The following DUSP29 variants were observed in gnomAD, a reference collection of about 807,000 sequenced individuals.
DUSP29 encodes dual specificity phosphatase 29, also known as atypical dual-specific protein phosphatase.
In DUSP29, 12 loss-of-function variants were observed where a neutral mutation model predicts 13.5. That is an observed-to-expected ratio of 0.89 (90% CI 0.57 to 1.44). The LOEUF is 1.44. Among genes scored for constraint, DUSP29 ranks in the 40% most tolerant of loss-of-function variants. The probability of loss-of-function intolerance (pLI) is 0.00; values close to 1 mark genes in which losing one functional copy is unlikely to be tolerated. For synonymous variants in DUSP29, 134 were observed against 128.7 expected, an observed-to-expected ratio of 1.04 and a Z score of -0.28; for missense variants, 308 against 301.1, an observed-to-expected ratio of 1.02 and a Z score of -0.17.
intron 1 of DUSP29, among the ~76,000 whole-genome samples, chr10:75,060,162 A>AAAT (rs764020329): frequency 2.0e-5 from 3 of 151,608 alleles, no homozygotes; most frequent in East Asian, 1.9e-4. Context: ...CTCCATCTCA[A>AAAT]AATAATAATA....
chr10:75,040,190 AAAAACC>A (rs1025266008), intron 3 of DUSP29, among the ~76,000 whole-genome samples: 3 of 152,178 alleles, frequency 2.0e-5, no homozygotes, highest in Non-Finnish European at 4.4e-5. Context: ...AAACAAAAAC[AAAAACC>A]AAACAGTGAA....
chr10:75,067,291 G>C (rs1385309887), intron 1 of DUSP29, among the ~76,000 whole-genome samples: 1 of 152,122 alleles, frequency 6.6e-6, no homozygotes, highest in African/African-American at 2.4e-5. Context: ...AAACCAAACA[G>C]GTATAGGGCC....
At position 75,058,497 on chromosome 10, in the gene DUSP29, C is replaced by T; in HGVS notation, c.18G>A (p.Val6=). 2 of 1,614,222 alleles carry T rather than the reference C, an allele frequency of 1.2e-6. No individual in the cohort carries two copies. Among genetic ancestry groups the T allele is most frequent in the Non-Finnish European group, 1.7e-6 (2 of 1,180,044 alleles). The change falls in exon 2 of 4, where the codon GTG becomes GTA. Residue 6 remains valine (V), a synonymous_variant. Transcript: ENST00000338487. MTSGE[V]KTSLKNAYSS... ...AGTAGGCATTCTTGAGGCTTGTCTT[C>T]ACTTCTCCAGATGTCATTTTAGAGC...
chr10:75,069,607 T>A (rs1432382428), intron 1 of DUSP29, among the ~76,000 whole-genome samples: 5 of 152,254 alleles, frequency 3.3e-5, no homozygotes, highest in Admixed American at 3.3e-4. Flanking sequence ...CTCTGGGCCT[T>A]GGGAAGGCGA....
rs55692734 is a variant in DUSP29 at position 75,065,690 on chromosome 10, AT to A, written c.-34-7143del. Reference sequence around the variant, plus strand: ...GCTTAACAGAAAGCACAATTTAAGGATTTTTTTTTTTTTCCGTAGAGACAGG... The same window carrying A: ...GCTTAACAGAAAGCACAATTTAAGGATTTTTTTTTTTTCCGTAGAGACAGG... On this transcript the variant is annotated intron_variant, in intron 1 of 3. Transcript: ENST00000338487. Among the ~76,000 whole-genome samples, 297 of 143,834 alleles carry A rather than the reference AT, an allele frequency of 2.1e-3. 1 individual carries two copies. The highest frequency in any genetic ancestry group is 3.6e-3 in the Middle Eastern group (1 of 280). The allele number at this position is 143,834 out of a possible 152,430, so 94.4% of individuals were successfully genotyped here.
intron 2 of DUSP29, among the ~76,000 whole-genome samples, chr10:75,055,119 G>A (rs188836756): frequency 6.6e-6 from 1 of 152,248 alleles, no homozygotes; most frequent in Admixed American, 6.5e-5. Context: ...CAGGGTTACA[G>A]GGGTGAGCCA....
intron 1 of DUSP29, among the ~76,000 whole-genome samples, chr10:75,066,642 A>C (rs1645093443): frequency 6.6e-6 from 1 of 152,350 alleles, no homozygotes; most frequent in East Asian, 1.9e-4. Flanking sequence ...AAATTCCATG[A>C]AAGTTCTATT....
intron 2 of DUSP29, among the ~76,000 whole-genome samples, chr10:75,049,614 T>G (rs1451033741): frequency 6.6e-6 from 1 of 152,226 alleles, no homozygotes; most frequent in African/African-American, 2.4e-5. Flanking sequence ...CATGTTAAAT[T>G]CGCAACCTTG....
At position 75,070,879 on chromosome 10, in the gene DUSP29, G is replaced by A. The variant is rs1040343265; in HGVS notation, c.-35+2690C>T. Reference sequence around the variant, plus strand: ...CTGTGGAACGGGTAGGCCCAGAAACGTGAATGGTCACCAGAAGAGGAGATT... The same window carrying A: ...CTGTGGAACGGGTAGGCCCAGAAACATGAATGGTCACCAGAAGAGGAGATT... On this transcript the variant is annotated intron_variant, in intron 1 of 3. Transcript: ENST00000338487. 8.5e-5 allele frequency among the ~76,000 whole-genome samples: 13 copies of A among 152,232 alleles called. 1 individual carries two copies. Among genetic ancestry groups the A allele is most frequent in the African/African-American group, 2.9e-4 (12 of 41,460 alleles).
At chr10:75,052,558 C>T (rs1349588244) in intron 2 of DUSP29, among the ~76,000 whole-genome samples, 5 of 152,282 alleles carry the variant, frequency 3.3e-5, no homozygotes, top group South Asian at 2.1e-4. Flanking sequence ...CCGCCTGCCT[C>T]GGCCTCCCAA....
intron 1 of DUSP29, among the ~76,000 whole-genome samples, chr10:75,060,016 C>T (rs568854865): frequency 2.0e-5 from 3 of 151,894 alleles, no homozygotes; most frequent in South Asian, 2.1e-4. Context: ...AAAAATTAGC[C>T]GGGTGTAGTG....
chr10:75,037,796 C>T lies in DUSP29; in HGVS notation c.*40G>A, dbSNP rs746760374. 70 of 1,573,114 alleles carry T rather than the reference C, an allele frequency of 4.4e-5. 1 individual carries two copies. The Admixed American group carries it at 1.1e-3, about 25-fold the overall frequency. ...GCCAGGGCTATGTTCTGCCTCTCCC[C>T]TCTGTCCCCAAGTGCCTCTGCTGGC... is the stretch of plus-strand genomic sequence containing the variant. On this transcript the variant is annotated 3_prime_UTR_variant, in exon 4 of 4. Transcript: ENST00000338487.
chr10:75,044,761 A>T (rs954992730), intron 2 of DUSP29, among the ~76,000 whole-genome samples: 1 of 152,204 alleles, frequency 6.6e-6, no homozygotes, highest in Admixed American at 6.5e-5. Context: ...ACTCGATGAG[A>T]AGGCAGCATG....
chr10:75,037,941 G>C lies in DUSP29; in HGVS notation c.558C>G (p.Asn186Lys). Residue 186 changes from asparagine (N) to lysine (K), a missense_variant, in exon 4 of 4, where the codon AAC becomes AAG. Physicochemically the swap from Asn to Lys is moderately conservative, Grantham distance 94. Coordinates refer to ENST00000338487, the MANE Select transcript of DUSP29 (RefSeq NM_001003892.3). The stretch of plus-strand genomic sequence containing the variant: ...CCCGGAGCTGCTTCAAAAAGCCCCG[G>C]TTCGGGAGGACGCAGCGGTTCTTGG... ...QVAKNRCVLP[N>K]RGFLKQLREL... is the part of the protein sequence containing the mutation. 3 of 1,613,968 alleles carry C rather than the reference G, an allele frequency of 1.9e-6. No homozygotes were observed. Among genetic ancestry groups the C allele is most frequent in the Non-Finnish European group, 2.5e-6 (3 of 1,180,052 alleles).
At chr10:75,053,083 T>TG (rs1421859856) in intron 2 of DUSP29, among the ~76,000 whole-genome samples, 2 of 152,244 alleles carry the variant, frequency 1.3e-5, no homozygotes, top group Non-Finnish European at 2.9e-5. Flanking sequence ...GCAGCAGAGC[T>TG]GGCCCACCAT....
intron 3 of DUSP29, 59 bp from the exon 4 acceptor site, chr10:75,038,136 G>A (rs1030369577): frequency 4.5e-6 from 7 of 1,566,928 alleles, no homozygotes; most frequent in Admixed American, 1.7e-5. Context: ...GGGGGCACAG[G>A]TAGGGCCCAC....
chr10:75,050,792 G>A (rs886591515), intron 2 of DUSP29, among the ~76,000 whole-genome samples: 12 of 152,332 alleles, frequency 7.9e-5, no homozygotes, highest in Admixed American at 1.3e-4. Context: ...GACTTCCCCC[G>A]AACCCCAGGA....
chr10:75,067,553 C>T (rs1303411545), intron 1 of DUSP29, among the ~76,000 whole-genome samples: 1 of 152,134 alleles, frequency 6.6e-6, no homozygotes, highest in Non-Finnish European at 1.5e-5. Context: ...CTTGACTTCC[C>T]CTCAGAAGTT....
chr10:75,056,125 A>G (rs987118254), intron 2 of DUSP29, among the ~76,000 whole-genome samples: 22 of 152,188 alleles, frequency 1.4e-4, no homozygotes, highest in Admixed American at 6.5e-4. Flanking sequence ...TGTCCAGGCT[A>G]ATCTCCAACT....
Sources: gnomAD v4.1 joint callset for allele counts (sites outside exome capture counted in the v4.1 genomes callset) on GRCh38, gnomAD v4.1.1 for gene constraint, MANE v1.5 for transcripts, NCBI Gene and HGNC (gene_info 2026-07-23, HGNC 2026-07-21) for gene names.